Variants in SSH1 observed in about 807,000 individuals in gnomAD.
The protein encoded by SSH1 is protein phosphatase Slingshot homolog 1.
SSH1 carries 43 observed loss-of-function variants against 79.7 expected under a neutral mutation model. The ratio of observed to expected loss-of-function variants is 0.54; its 90% confidence interval spans 0.42 to 0.70. The LOEUF (loss-of-function observed/expected upper bound fraction) is 0.70. Ranked by LOEUF, SSH1 falls within the 30% of genes least tolerant of loss-of-function variation. The pLI is 0.00. For synonymous variants in SSH1, 599 were observed against 538.3 expected, an observed-to-expected ratio of 1.11 and a Z score of -1.56; for missense variants, 1,206 against 1,358.8, an observed-to-expected ratio of 0.89 and a Z score of 1.77.
chr12:108,789,914 G>A (rs1242993821), intron 14 of SSH1, among the ~76,000 whole-genome samples: 14 of 151,988 alleles, frequency 9.2e-5, no homozygotes, highest in African/African-American at 2.7e-4. Context: ...GGCTGGTCTC[G>A]AACTCCTGGG....
Position 108,780,552 on chromosome 12 carries a change from G to C in SSH1, c.*7436C>G, listed in dbSNP as rs148016308. ...TGATGGTTTCTAAACTTGGCCATCA[G>C]AATTCCCAGGGAATCTCAGAAACAT... On this transcript the variant is annotated 3_prime_UTR_variant, in exon 15 of 15. Transcript: ENST00000326495. The C allele has an allele frequency of 2.0e-5, 3 of 152,320 alleles. No individual in the cohort carries two copies. The highest frequency in any genetic ancestry group is 7.2e-5 in the African/African-American group (3 of 41,556). 9.4% of individuals were successfully genotyped at this position (152,320 alleles called of 1,614,324 possible).
chr12:108,813,160 T>A (rs1415853835), intron 5 of SSH1, among the ~76,000 whole-genome samples: 1 of 152,016 alleles, frequency 6.6e-6, no homozygotes, highest in Non-Finnish European at 1.5e-5. Context: ...GGATACATAG[T>A]AAGGGAAGCT....
chr12:108,823,460 G>A, intron 2 of SSH1, 99 bp from the exon 3 acceptor site: 1 of 960,552 alleles, frequency 1.0e-6, no homozygotes, highest in Non-Finnish European at 1.6e-6. Flanking sequence ...TGGACAAATG[G>A]CATGTAAAAT....
At chr12:108,845,117 G>C (rs2038867632) in intron 2 of SSH1, among the ~76,000 whole-genome samples, 1 of 150,602 alleles carries the variant, frequency 6.6e-6, no homozygotes, top group Non-Finnish European at 1.5e-5. Flanking sequence ...GCTGAGACAG[G>C]AGAATTACTT....
Position 108,789,257 on chromosome 12 carries a change from G to C in SSH1, c.1894-13C>G. The C allele has an allele frequency of 6.3e-7, 1 of 1,584,678 alleles. No individual in the cohort carries two copies. The highest frequency in any genetic ancestry group is 8.6e-7 in the Non-Finnish European group (1 of 1,164,514). On this transcript the variant is annotated splice_polypyrimidine_tract_variant and intron_variant, in intron 14 of 14. Coordinates refer to ENST00000326495, the MANE Select transcript of SSH1 (RefSeq NM_018984.4). ...ATATAGCATCATCCTGCAAGGAAGG[G>C]GACAAGAGCATGGTGAGACGGTGCA... is the stretch of plus-strand genomic sequence containing the variant.
At chr12:108,848,853 A>G (rs2038957651) in intron 2 of SSH1, among the ~76,000 whole-genome samples, 1 of 151,542 alleles carries the variant, frequency 6.6e-6, no homozygotes, top group Non-Finnish European at 1.5e-5. Flanking sequence ...GGACCTGCTG[A>G]CAGTGGCACG....
chr12:108,794,723 G>A (rs973301842), intron 13 of SSH1, among the ~76,000 whole-genome samples: 17 of 152,148 alleles, frequency 1.1e-4, no homozygotes, highest in African/African-American at 3.9e-4. Context: ...AGATGGCTAC[G>A]AAGATGAAAA....
chr12:108,839,828 G>A (rs1326981084), intron 2 of SSH1, among the ~76,000 whole-genome samples: 1 of 152,170 alleles, frequency 6.6e-6, no homozygotes, highest in African/African-American at 2.4e-5. Flanking sequence ...GTTAACATTG[G>A]TCTTTGGAGG....
At chr12:108,811,394 C>T (rs2037588004) in intron 5 of SSH1, 66 bp from the exon 6 acceptor site, 5 of 1,479,428 alleles carry the variant, frequency 3.4e-6, no homozygotes, top group Non-Finnish European at 4.7e-6. Context: ...GCCTTTCCAG[C>T]TCACCACCTG....
At chr12:108,818,840 G>A (rs974990360) in intron 3 of SSH1, among the ~76,000 whole-genome samples, 2 of 152,120 alleles carry the variant, frequency 1.3e-5, no homozygotes, top group Non-Finnish European at 2.9e-5. Context: ...TGCAACCTCC[G>A]CCTCCTGGAT....
At chr12:108,820,176 G>C (rs1273876210) in intron 3 of SSH1, among the ~76,000 whole-genome samples, 1 of 151,978 alleles carries the variant, frequency 6.6e-6, no homozygotes, top group African/African-American at 2.4e-5. Context: ...CCAAACCCAG[G>C]CCAATTAAGC....
intron 2 of SSH1, chr12:108,827,398 C>G: frequency 6.7e-7 from 1 of 1,495,890 alleles, no homozygotes; most frequent in Non-Finnish European, 8.9e-7. Flanking sequence ...CCTCCGAGCT[C>G]TGGCCATCTG....
At position 108,807,699 on chromosome 12, in the gene SSH1, T is replaced by TTGATGCAGCTCTGCTCGGAGC. The variant is rs2037357104; in HGVS notation, c.644_664dup (p.Ser215_Ile221dup). ...CAGGTCCTGCATGGCGTTCCACTCG[T>TTGATGCAGCTCTGCTCGGAGC]TGATGCAGCTCTGCTCGGAGCTGAT... On this transcript the variant is annotated inframe_insertion, in exon 8 of 15. Coordinates refer to ENST00000326495, the MANE Select transcript of SSH1 (RefSeq NM_018984.4). The surrounding 1 kb of genome is among the most constrained non-coding windows in gnomAD (Gnocchi z 5.2). 2.5e-6 allele frequency: 4 copies of TTGATGCAGCTCTGCTCGGAGC among 1,613,144 alleles called. No individual in the cohort carries two copies. Among genetic ancestry groups the TTGATGCAGCTCTGCTCGGAGC allele is most frequent in the Non-Finnish European group, 2.5e-6 (3 of 1,179,538 alleles).
At chr12:108,809,340 C>T (rs571881416) in intron 7 of SSH1, among the ~76,000 whole-genome samples, 1 of 151,348 alleles carries the variant, frequency 6.6e-6, no homozygotes, top group East Asian at 2.0e-4. Flanking sequence ...GCCTGTAGTC[C>T]CAGCTACTTG....
chr12:108,839,249 G>A (rs2038717701), intron 2 of SSH1, among the ~76,000 whole-genome samples: 2 of 152,184 alleles, frequency 1.3e-5, no homozygotes, highest in Admixed American at 1.3e-4. Flanking sequence ...ATCTCATGAG[G>A]TGGGGCCTGG....
chr12:108,788,072 C>T lies in SSH1; in HGVS notation c.3066G>A (p.Pro1022=), dbSNP rs139081065. Reference sequence around the variant, plus strand: ...GTTTGGAGGTTGCAGCTGGGTCCCTCGGGGTTCCCTGGGGCTCATGCAAGA... The same window carrying T: ...GTTTGGAGGTTGCAGCTGGGTCCCTTGGGGTTCCCTGGGGCTCATGCAAGA... The part of the protein sequence containing the change: ...SSFLHEPQGT[P]RDPAATSKPS... Residue 1022 remains proline, a synonymous_variant, in exon 15 of 15, where the codon CCG becomes CCA. Coordinates refer to ENST00000326495, the MANE Select transcript of SSH1 (RefSeq NM_018984.4). The T allele has an allele frequency of 4.3e-6, 7 of 1,613,936 alleles. No individual in the cohort carries two copies. The Admixed American group carries it at 5.0e-5, about 12-fold the overall frequency.
intron 4 of SSH1, among the ~76,000 whole-genome samples, chr12:108,817,532 GCCA>G (rs55967410): frequency 0.081 from 12,297 of 152,226 alleles, 1,110 homozygotes; most frequent in East Asian, 0.33. Context: ...CTGAGATCAT[GCCA>G]CCACATGCCA....
Position 108,788,339 on chromosome 12 carries a change from G to A in SSH1, c.2799C>T (p.Thr933=). ...GGATGCTATCGCTGCTGGAGCTCCG[G>A]GTCAGGTTGGAGCTCATGGAAGAGG... ...PTSSSMSSNL[T]RSSSSDSIHS... is the part of the protein sequence containing the mutation. The change falls in exon 15 of 15, where the codon ACC becomes ACT. Residue 933 remains threonine (T), a synonymous_variant. Coordinates refer to ENST00000326495, the MANE Select transcript of SSH1 (RefSeq NM_018984.4). 6.2e-7 allele frequency: 1 copy of A among 1,613,284 alleles called. No homozygotes were observed. Among genetic ancestry groups the A allele is most frequent in the Non-Finnish European group, 8.5e-7 (1 of 1,179,970 alleles).
intron 5 of SSH1, among the ~76,000 whole-genome samples, chr12:108,815,474 C>G (rs75673115): frequency 6.6e-6 from 1 of 152,170 alleles, no homozygotes; most frequent in Non-Finnish European, 1.5e-5. Context: ...GCCACACTTG[C>G]GAGGGAAGTC....
Sources: allele counts gnomAD v4.1 joint callset (sites outside exome capture counted in the v4.1 genomes callset), GRCh38; gene constraint gnomAD v4.1.1; non-coding constraint Gnocchi (gnomAD v3.1); transcripts MANE v1.5; gene names NCBI Gene and HGNC (gene_info 2026-07-23, HGNC 2026-07-21).